Variants in UNC13C observed in about 807,000 individuals in gnomAD.
UNC13C encodes the protein protein unc-13 homolog C.
UNC13C carries 174 observed loss-of-function variants against 245.4 expected under a neutral mutation model. The ratio of observed to expected loss-of-function variants is 0.71; its 90% CI spans 0.63 to 0.80. The LOEUF (loss-of-function observed/expected upper bound fraction) is 0.80. UNC13C is among the 30% of genes least tolerant of loss of function. The probability of loss-of-function intolerance (pLI) is 0.00; values close to 1 mark genes in which losing one functional copy is unlikely to be tolerated. For missense variants in UNC13C, 2,829 were observed against 2,602.9 expected (o/e 1.09, Z -1.89); for synonymous variants, 992 against 895.1 (o/e 1.11, Z -1.93).
At chr15:54,605,490 C>T (rs1359535954) in intron 30 of UNC13C, among the ~76,000 whole-genome samples, 1 of 152,126 alleles carries the variant, frequency 6.6e-6, no homozygotes, top group African/African-American at 2.4e-5. Context: ...TAGGTCTTAA[C>T]CTTGGCTGCA....
At chr15:54,475,470 A>G (rs1388212415) in intron 19 of UNC13C, among the ~76,000 whole-genome samples, 1 of 143,570 alleles carries the variant, frequency 7.0e-6, no homozygotes, top group Non-Finnish European at 1.5e-5. Context: ...CCCCCACCCC[A>G]CAACAGTCCC....
At chr15:54,583,793 C>T (rs766975691) in intron 30 of UNC13C, among the ~76,000 whole-genome samples, 32 of 152,190 alleles carry the variant, frequency 2.1e-4, no homozygotes, top group Non-Finnish European at 3.7e-4. Context: ...ATTTGCTCTT[C>T]ATCGCACTGA....
intron 2 of UNC13C, chr15:54,049,971 AAG>A (rs796992311): frequency 3.6e-4 from 79 of 219,416 alleles, no homozygotes; most frequent in African/African-American, 1.6e-3. Context: ...CATTTGATCG[AAG>A]AGGTTTCTTT....
chr15:53,932,314 AAACAACAACAAC>A, the UNC13C span, among the ~76,000 whole-genome samples: 24 of 89,248 alleles, frequency 2.7e-4, no homozygotes, highest in East Asian at 6.5e-3. Flanking sequence ...TCAAAAATCA[AAACAACAACAAC>A]AACAACAACA....
At chr15:54,360,646 T>TAAGATAGGGCTAGTGTTAAGGAATA (rs2039209604) in intron 17 of UNC13C, among the ~76,000 whole-genome samples, 4 of 152,152 alleles carry the variant, frequency 2.6e-5, no homozygotes, top group African/African-American at 9.6e-5. Flanking sequence ...ATTTTTCTTG[T>TAAGATAGGGCTAGTGTTAAGGAATA]AAGATAGGGC....
intron 19 of UNC13C, among the ~76,000 whole-genome samples, chr15:54,463,708 A>C (rs1892007796): frequency 6.6e-6 from 1 of 152,156 alleles, no homozygotes; most frequent in African/African-American, 2.4e-5. Context: ...ACTCACTGGG[A>C]GGGTCCGCAG....
At chr15:54,092,106 G>A (rs986105788) in intron 2 of UNC13C, among the ~76,000 whole-genome samples, 3 of 152,062 alleles carry the variant, frequency 2.0e-5, no homozygotes, top group African/African-American at 7.2e-5. Context: ...TCCACATTTT[G>A]ACCCTTCAAG....
chr15:54,000,639 C>T (rs1894842932), intron 1 of UNC13C, among the ~76,000 whole-genome samples: 1 of 152,020 alleles, frequency 6.6e-6, no homozygotes, highest in African/African-American at 2.4e-5. Context: ...ATTACTAAAC[C>T]CAGTGTGTTG....
intron 17 of UNC13C, among the ~76,000 whole-genome samples, chr15:54,381,892 C>T (rs201742265): frequency 1.2e-4 from 19 of 152,116 alleles, no homozygotes; most frequent in Admixed American, 2.0e-4. Context: ...ACTGAACTTG[C>T]GACCAAATGA....
chr15:54,072,492 C>T (rs970477142), intron 2 of UNC13C, among the ~76,000 whole-genome samples: 4 of 152,138 alleles, frequency 2.6e-5, no homozygotes, highest in Admixed American at 6.6e-5. Context: ...GGGAAAATTG[C>T]GCACATCACC....
intron 2 of UNC13C, among the ~76,000 whole-genome samples, chr15:54,054,482 T>C (rs530106566): frequency 4.6e-5 from 7 of 152,340 alleles, no homozygotes; most frequent in African/African-American, 7.2e-5. Context: ...TTAAATGTTA[T>C]GAATCTAGAA....
At chr15:54,453,594 C>A (rs1891302464) in intron 19 of UNC13C, among the ~76,000 whole-genome samples, 2 of 152,088 alleles carry the variant, frequency 1.3e-5, no homozygotes, top group Admixed American at 1.3e-4. Context: ...TTTGCCTTTT[C>A]CTCATTTTGT....
the UNC13C span, among the ~76,000 whole-genome samples, chr15:53,902,347 A>G: frequency 6.6e-6 from 1 of 152,280 alleles, no homozygotes; most frequent in Non-Finnish European, 1.5e-5. Context: ...TTCTGCCTCA[A>G]CAGAGCTGGC....
At chr15:54,032,396 A>C (rs2141019726) in intron 2 of UNC13C, among the ~76,000 whole-genome samples, 1 of 152,308 alleles carries the variant, frequency 6.6e-6, no homozygotes, top group Admixed American at 6.5e-5. Flanking sequence ...CATCAAATAA[A>C]CTTTTCCCAC....
In UNC13C at chr15:54,014,927, G is replaced by T. The variant is rs1895571748; in HGVS notation, c.2024G>T (p.Gly675Val). 1.9e-6 allele frequency: 3 copies of T among 1,613,770 alleles called. No homozygotes were observed. Among genetic ancestry groups the T allele is most frequent in the African/African-American group, 1.3e-5 (1 of 74,902 alleles). Residue 675 changes from glycine to valine, a missense_variant, in exon 2 of 33, where the codon GGT becomes GTT. Coordinates refer to ENST00000260323, the MANE Select transcript of UNC13C (RefSeq NM_001080534.3). The part of the protein sequence containing the change: ...DLGLDSSTQE[G>V]FDYETNSLFD... The stretch of plus-strand genomic sequence containing the variant: ...GGCTTGGATTCATCCACCCAGGAAG[G>T]TTTTGATTATGAAACAAACAGTCTT...
chr15:54,421,411 C>T (rs2040640849), intron 19 of UNC13C, among the ~76,000 whole-genome samples: 1 of 152,044 alleles, frequency 6.6e-6, no homozygotes, highest in South Asian at 2.1e-4. Flanking sequence ...TCATTGACTT[C>T]TTCCAAGGAT....
At chr15:54,102,849 G>C (rs1392114958) in intron 2 of UNC13C, among the ~76,000 whole-genome samples, 1 of 152,134 alleles carries the variant, frequency 6.6e-6, no homozygotes, top group African/African-American at 2.4e-5. Context: ...ACATTTGATT[G>C]GTCCTCCTGG....
At chr15:53,963,080 G>A in the UNC13C span, among the ~76,000 whole-genome samples, 3 of 152,128 alleles carry the variant, frequency 2.0e-5, no homozygotes, top group Non-Finnish European at 4.4e-5. Flanking sequence ...AACTACAGAA[G>A]GTAGGGTATG....
chr15:54,590,448 A>G (rs1384382728), intron 30 of UNC13C, among the ~76,000 whole-genome samples: 2 of 152,134 alleles, frequency 1.3e-5, no homozygotes, highest in South Asian at 4.2e-4. Context: ...TGTTTGTGTC[A>G]TCTGTGTTTT....
Sources: allele counts gnomAD v4.1 joint callset (sites outside exome capture counted in the v4.1 genomes callset), GRCh38; gene constraint gnomAD v4.1.1; transcripts MANE v1.5; gene names NCBI Gene and HGNC (gene_info 2026-07-23, HGNC 2026-07-21).